RFX3: variants seen among roughly 807,000 people sequenced by gnomAD.
The protein encoded by RFX3 is regulatory factor X3.
A neutral mutation model predicts 98.6 loss-of-function variants in RFX3; 14 were observed. That is an observed-to-expected ratio of 0.14 (90% CI 0.09 to 0.22). The LOEUF (loss-of-function observed/expected upper bound fraction) is 0.22. RFX3 is among the 10% of genes least tolerant of loss of function. The probability of loss-of-function intolerance (pLI) is 1.00; values close to 1 mark genes in which losing one functional copy is unlikely to be tolerated. For missense variants in RFX3, 639 were observed against 926.9 expected, an observed-to-expected ratio of 0.69 and a Z score of 4.03; for synonymous variants, 383 against 328.4, an observed-to-expected ratio of 1.17 and a Z score of -1.80.
At chr9:3,329,425 AAAACAAAAAAC>A (rs1289478751) in intron 4 of RFX3, among the ~76,000 whole-genome samples, 12 of 150,088 alleles carry the variant, frequency 8.0e-5, no homozygotes, top group African/African-American at 2.2e-4. Flanking sequence ...AAAAAAAAAA[AAAACAAAAAAC>A]CACCAAACAA....
chr9:3,404,294 T>C (rs1841755402), intron 1 of RFX3, among the ~76,000 whole-genome samples: 1 of 152,178 alleles, frequency 6.6e-6, no homozygotes, highest in South Asian at 2.1e-4. Flanking sequence ...TATATGTATA[T>C]GTATATACAC....
intron 1 of RFX3, among the ~76,000 whole-genome samples, chr9:3,415,210 C>T: frequency 1.6e-5 from 2 of 121,614 alleles, no homozygotes; most frequent in African/African-American, 3.9e-5. Flanking sequence ...TATATATATA[C>T]ATACTCATAT....
At chr9:3,420,964 C>A in intron 1 of RFX3, 1 of 970,776 alleles carries the variant, frequency 1.0e-6, no homozygotes, top group Non-Finnish European at 1.2e-6. Context: ...CAGAAACTAG[C>A]CTAAGGAGTA....
At chr9:3,513,682 A>G (rs1465440347) in intron 1 of RFX3, among the ~76,000 whole-genome samples, 1 of 152,180 alleles carries the variant, frequency 6.6e-6, no homozygotes, top group Non-Finnish European at 1.5e-5. Context: ...CAGGATCGCT[A>G]CAATTACCTC....
Position 3,508,996 on chromosome 9 carries a change from G to A in RFX3, c.-9+16751C>T, listed in dbSNP as rs866260450. The stretch of plus-strand genomic sequence containing the variant: ...ACACACAGAAAGAGAGACACAGAGA[G>A]GAGAGAGAGAGAAATAATTAGACAA... On this transcript the variant is annotated intron_variant, in intron 1 of 16. Coordinates refer to ENST00000617270, the MANE Select transcript of RFX3 (RefSeq NM_001282116.2). 4.6e-5 allele frequency among the ~76,000 whole-genome samples: 7 copies of A among 151,560 alleles called. No homozygotes were observed. The East Asian group carries it at 1.2e-3, about 25-fold the overall frequency.
intron 5 of RFX3, among the ~76,000 whole-genome samples, chr9:3,296,008 A>G (rs543022848): frequency 1.3e-5 from 2 of 152,158 alleles, no homozygotes; most frequent in South Asian, 4.1e-4. Flanking sequence ...TTACTTAAAA[A>G]TAAGACAAAC....
chr9:3,346,702 C>T lies in RFX3; in HGVS notation c.180G>A (p.Val60=), dbSNP rs756387481. ...TGGTATAGACAGTATCGCTTCCTTC[C>T]ACATACTGCACCTGAGCGGGATAGA... ...QHVYPAQVQY[V]EGSDTVYTNG... The change falls in exon 3 of 17, where the codon GTG becomes GTA. Residue 60 remains valine (V), a synonymous_variant. Transcript: ENST00000617270. 6.2e-7 allele frequency: 1 copy of T among 1,613,288 alleles called. No individual in the cohort carries two copies. The highest frequency in any genetic ancestry group is 1.3e-5 in the African/African-American group (1 of 74,894).
At chr9:3,461,903 G>C (rs146786343) in intron 1 of RFX3, among the ~76,000 whole-genome samples, 40 of 151,934 alleles carry the variant, frequency 2.6e-4, no homozygotes, top group Non-Finnish European at 4.3e-4. Flanking sequence ...ATCATTTGGA[G>C]AACATCTGAA....
At chr9:3,459,462 A>T (rs1379770797) in intron 1 of RFX3, among the ~76,000 whole-genome samples, 2 of 152,256 alleles carry the variant, frequency 1.3e-5, no homozygotes, top group Admixed American at 1.3e-4. Context: ...AGGACTGGAA[A>T]ACATAAAATT....
intron 1 of RFX3, among the ~76,000 whole-genome samples, chr9:3,409,381 C>T (rs1842267407): frequency 1.3e-5 from 2 of 152,140 alleles, no homozygotes; most frequent in Admixed American, 1.3e-4. Context: ...TTTGAAATAT[C>T]AATGATAAAA....
At chr9:3,285,694 C>A (rs75537343) in intron 7 of RFX3, among the ~76,000 whole-genome samples, 3,190 of 151,650 alleles carry the variant, frequency 0.021, 114 homozygotes, top group African/African-American at 0.072. Context: ...TAAAAAAACA[C>A]AACAAATTAA....
chr9:3,356,344 C>G (rs1018495706), intron 2 of RFX3, among the ~76,000 whole-genome samples: 1 of 151,756 alleles, frequency 6.6e-6, no homozygotes, highest in Admixed American at 6.6e-5. Context: ...CGTCACTATA[C>G]ATCTTTAAAA....
intron 1 of RFX3, among the ~76,000 whole-genome samples, chr9:3,480,550 C>G (rs1849657798): frequency 6.6e-6 from 1 of 152,122 alleles, no homozygotes; most frequent in Non-Finnish European, 1.5e-5. Flanking sequence ...ACATTCAGGC[C>G]AATGTTCAGA....
chr9:3,404,752 T>C (rs1841807691), intron 1 of RFX3, among the ~76,000 whole-genome samples: 1 of 152,182 alleles, frequency 6.6e-6, no homozygotes, highest in Non-Finnish European at 1.5e-5. Context: ...TTCATTGTCA[T>C]CTCTCTCAAA....
At chr9:3,401,359 A>G (rs1841456773) in intron 1 of RFX3, among the ~76,000 whole-genome samples, 1 of 152,222 alleles carries the variant, frequency 6.6e-6, no homozygotes, top group Admixed American at 6.5e-5. Context: ...AAGGATCATC[A>G]CATGAGAGCA....
chr9:3,477,323 T>G (rs1178327357), intron 1 of RFX3, among the ~76,000 whole-genome samples: 1 of 152,186 alleles, frequency 6.6e-6, no homozygotes, highest in East Asian at 1.9e-4. Flanking sequence ...AAATTTACCA[T>G]TAAGTGTCCT....
At chr9:3,472,106 A>G (rs919330730) in intron 1 of RFX3, among the ~76,000 whole-genome samples, 2 of 152,242 alleles carry the variant, frequency 1.3e-5, no homozygotes, top group Admixed American at 6.5e-5. Flanking sequence ...ATCTTAGGCC[A>G]TCTGGTTCTG....
At chr9:3,495,406 T>C (rs922343411) in intron 1 of RFX3, among the ~76,000 whole-genome samples, 2 of 152,032 alleles carry the variant, frequency 1.3e-5, no homozygotes, top group East Asian at 1.9e-4. Context: ...TACATATTCA[T>C]TGATGTAAAA....
At chr9:3,350,130 T>A (rs1563969010) in intron 2 of RFX3, among the ~76,000 whole-genome samples, 2 of 152,224 alleles carry the variant, frequency 1.3e-5, no homozygotes, top group African/African-American at 4.8e-5. Context: ...CTGGATTTCA[T>A]TAAATGGAAA....
Sources: gnomAD v4.1 joint callset for allele counts (sites outside exome capture counted in the v4.1 genomes callset) on GRCh38, gnomAD v4.1.1 for gene constraint, MANE v1.5 for transcripts, NCBI Gene and HGNC (gene_info 2026-07-23, HGNC 2026-07-21) for gene names.